STX11: variants seen among roughly 807,000 people sequenced by gnomAD.
STX11 encodes the protein syntaxin-11.
In STX11, 21 loss-of-function variants were observed where a neutral mutation model predicts 19.9. The observed-to-expected ratio is 1.06, with a 90% CI of 0.75 to 1.52. The LOEUF is 1.52. Ranked by LOEUF, STX11 falls within the 40% of genes most tolerant of loss-of-function variation. The probability of loss-of-function intolerance (pLI) is 0.00; values close to 1 mark genes in which losing one functional copy is unlikely to be tolerated. For missense variants in STX11, 438 were observed against 405.9 expected (o/e 1.08, Z -0.68); for synonymous variants, 193 against 174.4 (o/e 1.11, Z -0.84).
Position 144,155,670 on chromosome 6 carries a change from A to G in STX11, c.-6+4967A>G, listed in dbSNP as rs1016486966. ...GTTTCCCTGAGAGAAGAGAATAGCTAGAGTTGGGGGCTCTGTTAAGCCACC... is the reference window on the plus strand; with the variant it reads ...GTTTCCCTGAGAGAAGAGAATAGCTGGAGTTGGGGGCTCTGTTAAGCCACC... On this transcript the variant is annotated intron_variant, in intron 1 of 1. Coordinates refer to ENST00000367568, the MANE Select transcript of STX11 (RefSeq NM_003764.4). The surrounding 1 kb of genome is among the most constrained non-coding windows in gnomAD (Gnocchi z 4.5). Among the ~76,000 whole-genome samples, 1 of 152,202 alleles carries G rather than the reference A, an allele frequency of 6.6e-6. No homozygotes were observed. Among genetic ancestry groups the G allele is most frequent in the African/African-American group, 2.4e-5 (1 of 41,440 alleles).
At chr6:144,158,147 CTT>C (rs1337228454) in intron 1 of STX11, among the ~76,000 whole-genome samples, 1 of 152,210 alleles carries the variant, frequency 6.6e-6, no homozygotes, top group African/African-American at 2.4e-5. Context: ...ACCCTAAACT[CTT>C]ATGCCTTTCG....
At chr6:144,140,319 A>G in the STX11 span, among the ~76,000 whole-genome samples, 3 of 146,522 alleles carry the variant, frequency 2.0e-5, no homozygotes, top group African/African-American at 7.5e-5. Flanking sequence ...CAGTGGCACA[A>G]TCTTGGCTCA....
At position 144,189,924 on chromosome 6, in the gene STX11, T is replaced by G. The variant is rs935312573; in HGVS notation, c.*2433T>G. Among the ~76,000 whole-genome samples, 3 of 152,178 alleles carry G rather than the reference T, an allele frequency of 2.0e-5. No homozygotes were observed. The highest frequency in any genetic ancestry group is 1.3e-4 in the Admixed American group (2 of 15,280). ...TATAATAGAGGAGAGATATTGTAAA[T>G]AGAGACTGCCAGCCAGTTTCCACAA... On this transcript the variant is annotated 3_prime_UTR_variant, in exon 2 of 2. Transcript: ENST00000367568.
chr6:144,150,085 G>C (rs974449333), upstream of STX11, among the ~76,000 whole-genome samples: 3 of 150,150 alleles, frequency 2.0e-5, no homozygotes, highest in Middle Eastern at 3.2e-3. Flanking sequence ...CCGCGTCCTC[G>C]AGGGTCCCAG....
Position 144,183,190 on chromosome 6 carries a change from T to A in STX11, c.-5-3433T>A, listed in dbSNP as rs1801948136. On this transcript the variant is annotated intron_variant, in intron 1 of 1. Coordinates refer to ENST00000367568, the MANE Select transcript of STX11 (RefSeq NM_003764.4). The surrounding 1 kb of genome is among the most constrained non-coding windows in gnomAD (Gnocchi z 4.6). ...TTCCACAACTCAAAGAAAACTATAA[T>A]TAACACTTTGATGTGTATTACTCAA... Among the ~76,000 whole-genome samples the A allele has an allele frequency of 6.6e-6, 1 of 152,246 alleles. No homozygotes were observed. The highest frequency in any genetic ancestry group is 2.4e-5 in the African/African-American group (1 of 41,478).
rs1802095020 is a variant in STX11 at position 144,187,550 on chromosome 6, C to A, written c.*59C>A. On this transcript the variant is annotated 3_prime_UTR_variant, in exon 2 of 2. Transcript: ENST00000367568. This position sits in a 1 kb window ranked among gnomAD's most constrained non-coding sequence, Gnocchi z 5.6. Reference sequence around the variant, plus strand: ...ACCATGGAGCGCGCTGGGAAGGACGCACCAAAGCCGGGAGCTCTGCCCTGC... The same window carrying A: ...ACCATGGAGCGCGCTGGGAAGGACGAACCAAAGCCGGGAGCTCTGCCCTGC... 3 of 1,607,800 alleles carry A rather than the reference C, an allele frequency of 1.9e-6. No homozygotes were observed. The highest frequency in any genetic ancestry group is 2.5e-6 in the Non-Finnish European group (3 of 1,178,018).
Position 144,182,466 on chromosome 6 carries a change from T to C in STX11, c.-5-4157T>C, listed in dbSNP as rs1000127999. Among the ~76,000 whole-genome samples, 1 of 152,194 alleles carries C rather than the reference T, an allele frequency of 6.6e-6. No individual in the cohort carries two copies. Among genetic ancestry groups the C allele is most frequent in the Non-Finnish European group, 1.5e-5 (1 of 68,018 alleles). On this transcript the variant is annotated intron_variant, in intron 1 of 1. Transcript: ENST00000367568. The surrounding 1 kb of genome is among the most constrained non-coding windows in gnomAD (Gnocchi z 4.8). ...ATCTTTATGTCTCCTGTACCCTTTC[T>C]TTTTCTCTTATTAGCACATTATGGA...
In STX11 at chr6:144,182,213, G is replaced by C. The variant is rs1584053842; in HGVS notation, c.-5-4410G>C. Reference sequence around the variant, plus strand: ...TATTTGTGCCCACTTCTATATTTTTGTATAACTTCAGTAGTGTATACACTT... The same window carrying C: ...TATTTGTGCCCACTTCTATATTTTTCTATAACTTCAGTAGTGTATACACTT... On this transcript the variant is annotated intron_variant, in intron 1 of 1. Coordinates refer to ENST00000367568, the MANE Select transcript of STX11 (RefSeq NM_003764.4). This position sits in a 1 kb window ranked among gnomAD's most constrained non-coding sequence, Gnocchi z 4.8. Among the ~76,000 whole-genome samples the C allele has an allele frequency of 6.6e-6, 1 of 152,122 alleles. No individual in the cohort carries two copies. Among genetic ancestry groups the C allele is most frequent in the South Asian group, 2.1e-4 (1 of 4,820 alleles).
At position 144,186,680 on chromosome 6, in the gene STX11, A is replaced by G. The variant is rs892078817; in HGVS notation, c.53A>G (p.Gln18Arg). 1 of 1,614,218 alleles carries G rather than the reference A, an allele frequency of 6.2e-7. No individual in the cohort carries two copies. The highest frequency in any genetic ancestry group is 1.3e-5 in the African/African-American group (1 of 75,078). The change falls in exon 2 of 2, where the codon CAG becomes CGG. Residue 18 changes from glutamine (Q) to arginine (R), a missense_variant. Transcript: ENST00000367568. ...GACTTGTCCAAGCAATATGACCAGCAGTTCCCAGACGGGGACGATGAGTTT... is the reference window on the plus strand; with the variant it reads ...GACTTGTCCAAGCAATATGACCAGCGGTTCCCAGACGGGGACGATGAGTTT... ...LLDLSKQYDQ[Q>R]FPDGDDEFDS...
At position 144,155,242 on chromosome 6, in the gene STX11, C is replaced by A. The variant is rs1386598231; in HGVS notation, c.-6+4539C>A. ...TTAAAACGCCCAATTAATGTTGTAC[C>A]CAAACTGAATCAGCAAACTCACTTA... is the stretch of plus-strand genomic sequence containing the variant. On this transcript the variant is annotated intron_variant, in intron 1 of 1. Transcript: ENST00000367568. This position sits in a 1 kb window ranked among gnomAD's most constrained non-coding sequence, Gnocchi z 4.5. Among the ~76,000 whole-genome samples the A allele has an allele frequency of 6.6e-6, 1 of 152,120 alleles. No homozygotes were observed. The highest frequency in any genetic ancestry group is 2.1e-4 in the South Asian group (1 of 4,824).
chr6:144,151,190 A>G lies in STX11; in HGVS notation c.-6+487A>G, dbSNP rs1034207550. 5.2e-6 allele frequency: 5 copies of G among 963,102 alleles called. No individual in the cohort carries two copies. The highest frequency in any genetic ancestry group is 6.2e-6 in the Non-Finnish European group (5 of 809,730). The allele number at this position is 963,102 out of a possible 1,614,324, so 59.7% of individuals were successfully genotyped here. A position where few individuals can be genotyped will look rare whatever the true frequency, so the allele number is the denominator to read the frequency against. On this transcript the variant is annotated intron_variant, in intron 1 of 1. Transcript: ENST00000367568. This position sits in a 1 kb window ranked among gnomAD's most constrained non-coding sequence, Gnocchi z 4.6. The stretch of plus-strand genomic sequence containing the variant: ...CCAGGAAAGACGGAGAAATTGATAG[A>G]GCCTTCGAGGAGTCCCTTCGAAGCC...
rs1801710516 is a variant in STX11, at chr6:144,174,033, G to A, written c.-5-12590G>A. ...TTATTTCTCACTATCCTGTTGATTGGCTGAGCAGTCTTCTGTTGGGCTCTC... is the reference window on the plus strand; with the variant it reads ...TTATTTCTCACTATCCTGTTGATTGACTGAGCAGTCTTCTGTTGGGCTCTC... On this transcript the variant is annotated intron_variant, in intron 1 of 1. Transcript: ENST00000367568. The surrounding 1 kb of genome is among the most constrained non-coding windows in gnomAD (Gnocchi z 5.3). Among the ~76,000 whole-genome samples the A allele has an allele frequency of 1.3e-5, 2 of 152,140 alleles. No individual in the cohort carries two copies. Among genetic ancestry groups the A allele is most frequent in the African/African-American group, 4.8e-5 (2 of 41,428 alleles).
intron 1 of STX11, among the ~76,000 whole-genome samples, chr6:144,185,366 C>T (rs561877917): frequency 6.6e-6 from 1 of 152,306 alleles, no homozygotes; most frequent in South Asian, 2.1e-4. Flanking sequence ...CTACTTTTCC[C>T]CTCTTTGCTG....
In STX11 at chr6:144,191,575, A is replaced by G. The variant is rs1291667318; in HGVS notation, c.*4084A>G. 1.3e-5 allele frequency among the ~76,000 whole-genome samples: 2 copies of G among 151,906 alleles called. No homozygotes were observed. Among genetic ancestry groups the G allele is most frequent in the African/African-American group, 4.8e-5 (2 of 41,344 alleles). On this transcript the variant is annotated 3_prime_UTR_variant, in exon 2 of 2. Coordinates refer to ENST00000367568, the MANE Select transcript of STX11 (RefSeq NM_003764.4). ...GTAACTATAGTCTTGATTTTTATGT[A>G]TAAATTCTATCATTCTATATTTTAC...
intron 1 of STX11, among the ~76,000 whole-genome samples, chr6:144,179,933 T>A (rs1400259791): frequency 6.6e-6 from 1 of 152,184 alleles, no homozygotes; most frequent in Non-Finnish European, 1.5e-5. Context: ...GGAGTGTATA[T>A]CTTGGGGACA....
At chr6:144,140,244 A>ATATATATATG in the STX11 span, among the ~76,000 whole-genome samples, 1 of 50,444 alleles carries the variant, frequency 2.0e-5, no homozygotes, top group African/African-American at 1.6e-4. Context: ...ATATATATAT[A>ATATATATATG]TATATATATA....
chr6:144,164,333 T>C (rs1468351679), intron 1 of STX11, among the ~76,000 whole-genome samples: 1 of 152,238 alleles, frequency 6.6e-6, no homozygotes, highest in East Asian at 1.9e-4. Flanking sequence ...TTTAATATTA[T>C]GTTAAAATCA....
In STX11 at chr6:144,184,226, G is replaced by A. The variant is rs1584056683; in HGVS notation, c.-5-2397G>A. On this transcript the variant is annotated intron_variant, in intron 1 of 1. Transcript: ENST00000367568. This position sits in a 1 kb window ranked among gnomAD's most constrained non-coding sequence, Gnocchi z 6.5. ...TGGGTATATACCCAGTAATGGGATCGCTGGCTCAAATGGTGTTTCCAGTTC... is the reference window on the plus strand; with the variant it reads ...TGGGTATATACCCAGTAATGGGATCACTGGCTCAAATGGTGTTTCCAGTTC... Among the ~76,000 whole-genome samples the A allele has an allele frequency of 1.3e-5, 2 of 152,266 alleles. No homozygotes were observed. Among genetic ancestry groups the A allele is most frequent in the South Asian group, 2.1e-4 (1 of 4,816 alleles).
rs190083440 is a variant in STX11 at position 144,175,006 on chromosome 6, C to T, written c.-5-11617C>T. ...AAATTAGCCCGCAGTCCCAGCTACT[C>T]GGGAGGCTGAGGCGGGTGGATCACT... is the stretch of plus-strand genomic sequence containing the variant. On this transcript the variant is annotated intron_variant, in intron 1 of 1. Coordinates refer to ENST00000367568, the MANE Select transcript of STX11 (RefSeq NM_003764.4). This position sits in a 1 kb window ranked among gnomAD's most constrained non-coding sequence, Gnocchi z 5.1. Among the ~76,000 whole-genome samples the T allele has an allele frequency of 3.3e-5, 5 of 151,898 alleles. No homozygotes were observed. Among genetic ancestry groups the T allele is most frequent in the East Asian group, 3.9e-4 (2 of 5,120 alleles).
Sources: gnomAD v4.1 joint callset for allele counts (sites outside exome capture counted in the v4.1 genomes callset) on GRCh38, gnomAD v4.1.1 for gene constraint, Gnocchi (gnomAD v3.1) non-coding constraint, MANE v1.5 for transcripts, NCBI Gene and HGNC (gene_info 2026-07-23, HGNC 2026-07-21) for gene names.